Variants in NRDE2 observed in about 807,000 individuals in gnomAD.
NRDE2 encodes nuclear exosome regulator NRDE2.
A neutral mutation model predicts 124.2 loss-of-function variants in NRDE2; 76 were observed. That is an observed-to-expected ratio of 0.61 (90% CI 0.51 to 0.74). The LOEUF (loss-of-function observed/expected upper bound fraction) is 0.74. Among genes scored for constraint, NRDE2 ranks in the 30% least tolerant of loss-of-function variants. NRDE2 has a pLI of 0.00. For missense variants in NRDE2, 1,314 were observed against 1,417.3 expected, an observed-to-expected ratio of 0.93 and a Z score of 1.17; for synonymous variants, 489 against 528.1, an observed-to-expected ratio of 0.93 and a Z score of 1.01.
At chr14:90,289,326 A>G (rs1273107564) in intron 10 of NRDE2, among the ~76,000 whole-genome samples, 181 bp from the exon 11 acceptor site, 3 of 152,202 alleles carry the variant, frequency 2.0e-5, no homozygotes, top group Non-Finnish European at 4.4e-5. Context: ...CAGGGCCACA[A>G]CTGCCCCCAA....
At position 90,286,460 on chromosome 14, in the gene NRDE2, G is replaced by A. The variant is rs758440381; in HGVS notation, c.3191C>T (p.Pro1064Leu). 6.2e-6 allele frequency: 10 copies of A among 1,613,952 alleles called. No homozygotes were observed. The highest frequency in any genetic ancestry group is 8.5e-6 in the Non-Finnish European group (10 of 1,180,012). Residue 1064 changes from proline to leucine, a missense_variant, in exon 12 of 14, where the codon CCT becomes CTT. Transcript: ENST00000354366. ...GATCCGATGCATTAAGCCGGTCTCAGGAATTGTGGCGTGGATCTCTCTACC... is the reference window on the plus strand; with the variant it reads ...GATCCGATGCATTAAGCCGGTCTCAAGAATTGTGGCGTGGATCTCTCTACC... The part of the protein sequence containing the change: ...LDGREIHATI[P>L]ETGLMHRIQA...
intron 1 of NRDE2, among the ~76,000 whole-genome samples, chr14:90,323,951 A>G (rs949008904): frequency 3.3e-5 from 5 of 152,186 alleles, no homozygotes; most frequent in Admixed American, 6.5e-5. Context: ...ACGATGAATA[A>G]GACAAACCCA....
intron 8 of NRDE2, 133 bp downstream of exon 8, chr14:90,298,127 T>G: frequency 2.0e-6 from 2 of 985,482 alleles, no homozygotes; most frequent in Non-Finnish European, 3.0e-6. Flanking sequence ...TACTTAACAT[T>G]TTTGACATTT....
At chr14:90,302,600 C>G (rs1371923541) in intron 6 of NRDE2, 120 bp downstream of exon 6, 1 of 1,129,840 alleles carries the variant, frequency 8.9e-7, no homozygotes, top group African/African-American at 1.6e-5. Flanking sequence ...TTAAAAAAAT[C>G]AGTTCTATCA....
chr14:90,281,824 C>A (rs1253310743), intron 12 of NRDE2, among the ~76,000 whole-genome samples: 3 of 152,198 alleles, frequency 2.0e-5, no homozygotes, highest in Non-Finnish European at 4.4e-5. Flanking sequence ...AATGCTCCCT[C>A]CATGTGCTCC....
In NRDE2 at chr14:90,275,882, T is replaced by C. The variant is rs930536099; in HGVS notation, c.*2454A>G. On this transcript the variant is annotated 3_prime_UTR_variant, in exon 14 of 14. Coordinates refer to ENST00000354366, the MANE Select transcript of NRDE2 (RefSeq NM_017970.4). ...TTCACTTTTCCAATGCAAAATGATA[T>C]GTGTGCCTTACAAGTAGTAGCTGCC... 1.3e-5 allele frequency: 2 copies of C among 152,310 alleles called. No individual in the cohort carries two copies. Among genetic ancestry groups the C allele is most frequent in the Non-Finnish European group, 2.9e-5 (2 of 68,100 alleles). The allele number at this position is 152,310 out of a possible 1,614,324, so 9.4% of individuals were successfully genotyped here. A position where few individuals can be genotyped will look rare whatever the true frequency, so the allele number is the denominator to read the frequency against.
intron 8 of NRDE2, among the ~76,000 whole-genome samples, chr14:90,294,943 A>G (rs889069280): frequency 6.6e-6 from 1 of 152,216 alleles, no homozygotes; most frequent in African/African-American, 2.4e-5. Flanking sequence ...CCCATGAGTT[A>G]GGAGGGGGAA....
At chr14:90,299,521 T>A (rs1215416993) in intron 7 of NRDE2, among the ~76,000 whole-genome samples, 1 of 152,210 alleles carries the variant, frequency 6.6e-6, no homozygotes, top group African/African-American at 2.4e-5. Flanking sequence ...ACTGTGAAAG[T>A]GAGCCAATAA....
At chr14:90,286,263 G>A (rs1345853494) in intron 12 of NRDE2, 91 bp downstream of exon 12, 3 of 1,437,104 alleles carry the variant, frequency 2.1e-6, no homozygotes, top group Admixed American at 2.3e-5. Flanking sequence ...CTCCTGGGCA[G>A]GGGCTACTTC....
chr14:90,325,963 T>G (rs1885415379), intron 1 of NRDE2, among the ~76,000 whole-genome samples: 1 of 152,218 alleles, frequency 6.6e-6, no homozygotes, highest in Non-Finnish European at 1.5e-5. Flanking sequence ...TTGCTAACAC[T>G]ATTTTACATT....
At position 90,273,878 on chromosome 14, in the gene NRDE2, C is replaced by T. The variant is rs1228585313; in HGVS notation, c.*4458G>A. On this transcript the variant is annotated 3_prime_UTR_variant, in exon 14 of 14. Coordinates refer to ENST00000354366, the MANE Select transcript of NRDE2 (RefSeq NM_017970.4). ...AGCAGGCCCAGTCCCTCTCTCCCAC[C>T]GACCCTTCTTTCTGCCTGCCTTTTC... 6.5e-6 allele frequency: 1 copy of T among 154,960 alleles called. No homozygotes were observed. Among genetic ancestry groups the T allele is most frequent in the African/African-American group, 2.4e-5 (1 of 41,532 alleles). The allele number at this position is 154,960 out of a possible 1,614,324, so 9.6% of individuals were successfully genotyped here.
chr14:90,330,218 T>TAAATAAATAAATAAATAAA (rs1885626389), intron 1 of NRDE2, among the ~76,000 whole-genome samples: 4 of 60,290 alleles, frequency 6.6e-5, no homozygotes, highest in African/African-American at 2.5e-4. Context: ...AAAAAAAAAA[T>TAAATAAATAAATAAATAAA]AAATAAATAA....
rs555549898 is a variant in NRDE2, at chr14:90,316,814, G to A, written c.174-3C>T. The A allele has an allele frequency of 6.4e-7, 1 of 1,571,684 alleles. No homozygotes were observed. Among genetic ancestry groups the A allele is most frequent in the East Asian group, 2.2e-5 (1 of 44,710 alleles). On this transcript the variant is annotated splice_region_variant and splice_polypyrimidine_tract_variant and intron_variant, in intron 2 of 13. Transcript: ENST00000354366. Reference sequence around the variant, plus strand: ...AAGACTCTGATTTCAGATGACTCCTGTTTGGGAAAATCAACTTTAAAATTA... The same window carrying A: ...AAGACTCTGATTTCAGATGACTCCTATTTGGGAAAATCAACTTTAAAATTA...
intron 1 of NRDE2, among the ~76,000 whole-genome samples, chr14:90,318,695 G>A (rs1416624638): frequency 6.6e-6 from 1 of 152,176 alleles, no homozygotes; most frequent in Admixed American, 6.5e-5. Flanking sequence ...AGCTACTCGG[G>A]AGGCTGAGGC....
In NRDE2 at chr14:90,305,854, C is replaced by T. The variant is rs139067987; in HGVS notation, c.558-1472G>A. Among the ~76,000 whole-genome samples the T allele has an allele frequency of 3.9e-5, 6 of 152,172 alleles. No homozygotes were observed. The East Asian group carries it at 7.7e-4, about 20-fold the overall frequency. ...AATATTTCACATTTTAACAGAGGTT[C>T]GGGTGAGAATGAAGCTTTGTGCATT... On this transcript the variant is annotated intron_variant, in intron 4 of 13. Transcript: ENST00000354366.
intron 8 of NRDE2, among the ~76,000 whole-genome samples, chr14:90,295,071 C>T (rs759839372): frequency 2.6e-5 from 4 of 151,956 alleles, no homozygotes; most frequent in African/African-American, 7.3e-5. Flanking sequence ...CTGCCTAGTA[C>T]CATAGAAACA....
intron 11 of NRDE2, 110 bp from the exon 12 acceptor site, chr14:90,286,602 A>AGTCTGT: frequency 7.3e-7 from 1 of 1,361,724 alleles, no homozygotes; most frequent in Non-Finnish European, 1.0e-6. Flanking sequence ...GATCAGACAG[A>AGTCTGT]CTCAGGGGAG....
chr14:90,330,011 A>T (rs898807652), intron 1 of NRDE2, among the ~76,000 whole-genome samples: 1 of 151,692 alleles, frequency 6.6e-6, no homozygotes. Context: ...GTTCGAGACC[A>T]GCCTGGCCAA....
Position 90,270,884 on chromosome 14 carries a change from G to A in NRDE2, c.*7452C>T, listed in dbSNP as rs1891643340. ...GTTCTACCTGCTTTTCCTGGAAAGA[G>A]CTGGGTTTTCGTTGGGCATAAATGC... On this transcript the variant is annotated 3_prime_UTR_variant, in exon 14 of 14. Coordinates refer to ENST00000354366, the MANE Select transcript of NRDE2 (RefSeq NM_017970.4). The A allele has an allele frequency of 6.6e-6, 1 of 152,320 alleles. No individual in the cohort carries two copies. The highest frequency in any genetic ancestry group is 2.4e-5 in the African/African-American group (1 of 41,460). 9.4% of individuals were successfully genotyped at this position (152,320 alleles called of 1,614,324 possible).
Sources: allele counts gnomAD v4.1 joint callset (sites outside exome capture counted in the v4.1 genomes callset), GRCh38; gene constraint gnomAD v4.1.1; transcripts MANE v1.5; gene names NCBI Gene and HGNC (gene_info 2026-07-23, HGNC 2026-07-21).